Variants in SH3TC2 observed in about 807,000 individuals in gnomAD.
SH3TC2 encodes SH3 domain and tetratricopeptide repeat-containing protein 2.
Under a neutral mutation model 124.5 loss-of-function variants are expected in SH3TC2, and 87 were observed. The ratio of observed to expected loss-of-function variants is 0.70; its 90% confidence interval spans 0.59 to 0.84. The LOEUF (loss-of-function observed/expected upper bound fraction) is 0.84. Among genes scored for constraint, SH3TC2 ranks in the 40% least tolerant of loss-of-function variants. The probability of loss-of-function intolerance (pLI) is 0.00; values close to 1 mark genes in which losing one functional copy is unlikely to be tolerated. For missense variants in SH3TC2, 1,536 were observed against 1,566.4 expected, an observed-to-expected ratio of 0.98 and a Z score of 0.33; for synonymous variants, 634 against 628.5, an observed-to-expected ratio of 1.01 and a Z score of -0.13.
At chr5:149,057,061 A>G (rs897124754) in intron 1 of SH3TC2, among the ~76,000 whole-genome samples, 2 of 152,198 alleles carry the variant, frequency 1.3e-5, no homozygotes, top group African/African-American at 4.8e-5. Context: ...ATATTATTTA[A>G]CTGAAATATT....
In SH3TC2 at chr5:148,994,632, T is replaced by C. The variant is rs886060142; in HGVS notation, c.*10079A>G. ...GTTGGTTGGTTGGTTGGTTGGTTGG[T>C]TGGTTGGTTGGTTGGTTGGTTGGTT... On this transcript the variant is annotated 3_prime_UTR_variant, in exon 17 of 17. Coordinates refer to ENST00000515425, the MANE Select transcript of SH3TC2 (RefSeq NM_024577.4). 6.6e-6 allele frequency among the ~76,000 whole-genome samples: 1 copy of C among 151,348 alleles called. No individual in the cohort carries two copies. The highest frequency in any genetic ancestry group is 2.4e-5 in the African/African-American group (1 of 41,154).
rs903290430 is a variant in SH3TC2 at position 148,987,009 on chromosome 5, G to A, written c.*17702C>T. On this transcript the variant is annotated 3_prime_UTR_variant, in exon 17 of 17. Transcript: ENST00000515425. Reference sequence around the variant, plus strand: ...GTTTCTAAAATGATTTTTGGAAAATGAAATATTAATTCCCCAGCTAATGTA... The same window carrying A: ...GTTTCTAAAATGATTTTTGGAAAATAAAATATTAATTCCCCAGCTAATGTA... Among the ~76,000 whole-genome samples, 1 of 152,188 alleles carries A rather than the reference G, an allele frequency of 6.6e-6. No homozygotes were observed. Among genetic ancestry groups the A allele is most frequent in the Non-Finnish European group, 1.5e-5 (1 of 68,026 alleles).
intron 2 of SH3TC2, among the ~76,000 whole-genome samples, chr5:149,051,014 C>CA (rs1754547009): frequency 6.6e-6 from 1 of 152,018 alleles, no homozygotes; most frequent in South Asian, 2.1e-4. Flanking sequence ...GATGGGCAAG[C>CA]AAAAATGAGA....
chr5:149,010,498 C>T (rs1753766160), intron 13 of SH3TC2, 106 bp from the exon 14 acceptor site: 1 of 1,476,384 alleles, frequency 6.8e-7, no homozygotes, highest in South Asian at 1.2e-5. Context: ...TAATCCTCTG[C>T]TAAAGTCCCC....
At chr5:149,028,646 G>A in intron 10 of SH3TC2, 31 bp downstream of exon 10, 3 of 1,614,174 alleles carry the variant, frequency 1.9e-6, no homozygotes, top group Non-Finnish European at 2.5e-6. Context: ...CCTCAAGGAT[G>A]AATGTCAGGT....
At chr5:149,006,495 T>G (rs1753690983) in intron 16 of SH3TC2, among the ~76,000 whole-genome samples, 1 of 152,208 alleles carries the variant, frequency 6.6e-6, no homozygotes, top group South Asian at 2.1e-4. Context: ...TCTTAAGTAT[T>G]CATTTTGATC....
intron 11 of SH3TC2, 40 bp downstream of exon 11, chr5:149,026,820 C>A (rs749940310): frequency 1.9e-6 from 3 of 1,614,074 alleles, no homozygotes; most frequent in Non-Finnish European, 2.5e-6. Flanking sequence ...TGATCCAACA[C>A]TTTTCTCTAT....
chr5:148,985,430 T>C lies in SH3TC2; in HGVS notation c.*19281A>G, dbSNP rs985575714. The stretch of plus-strand genomic sequence containing the variant: ...ACAGATCTGTTTGCTGATCCTGTAG[T>C]TTTTAAAATGCCATATGGATTATAT... On this transcript the variant is annotated 3_prime_UTR_variant, in exon 17 of 17. Transcript: ENST00000515425. Among the ~76,000 whole-genome samples the C allele has an allele frequency of 1.3e-5, 2 of 152,210 alleles. No homozygotes were observed. The highest frequency in any genetic ancestry group is 1.5e-5 in the Non-Finnish European group (1 of 68,022).
Position 149,003,849 on chromosome 5 carries a change from CA to C in SH3TC2, c.*861del, listed in dbSNP as rs5872107. On this transcript the variant is annotated 3_prime_UTR_variant, in exon 17 of 17. Coordinates refer to ENST00000515425, the MANE Select transcript of SH3TC2 (RefSeq NM_024577.4). The stretch of plus-strand genomic sequence containing the variant: ...CTGGGCAACAGAGGAGAAACTGTCT[CA>C]AAAAAAAAAAAAAAAAAAAAAGACA... The C allele has an allele frequency of 0.14, 23,240 of 170,638 alleles. 552 individuals carry two copies. Among genetic ancestry groups the C allele is most frequent in the African/African-American group, 0.2 (4,228 of 20,822 alleles). 10.6% of individuals were successfully genotyped at this position (170,638 alleles called of 1,614,324 possible).
intron 12 of SH3TC2, among the ~76,000 whole-genome samples, chr5:149,016,780 C>T (rs1309515988): frequency 1.3e-5 from 2 of 151,476 alleles, no homozygotes; most frequent in African/African-American, 2.4e-5. Context: ...AAAAAATTAG[C>T]CGGGCGTGGT....
chr5:149,061,987 G>T (rs953883686), intron 1 of SH3TC2, among the ~76,000 whole-genome samples: 4 of 152,004 alleles, frequency 2.6e-5, no homozygotes, highest in South Asian at 2.1e-4. Context: ...GTTGTTTTGG[G>T]TTCACTTTAA....
chr5:149,059,200 G>A (rs1337695372), intron 1 of SH3TC2, among the ~76,000 whole-genome samples: 1 of 152,046 alleles, frequency 6.6e-6, no homozygotes, highest in Non-Finnish European at 1.5e-5. Flanking sequence ...CCAGAGAGGA[G>A]TCATGATTTT....
rs968469879 is a variant in SH3TC2 at position 149,038,219 on chromosome 5, C to A, written c.1001+76G>T. 10 of 1,488,604 alleles carry A rather than the reference C, an allele frequency of 6.7e-6. No homozygotes were observed. The African/African-American group carries it at 1.4e-4, about 21-fold the overall frequency. 92.2% of individuals were successfully genotyped at this position (1,488,604 alleles called of 1,614,324 possible). ...CCAGGGCACCCTCGAAGCTCAACTG[C>A]AAATCTGCTCAAAGAGGGGAGGGAA... On this transcript the variant is annotated intron_variant, in intron 8 of 16. Coordinates refer to ENST00000515425, the MANE Select transcript of SH3TC2 (RefSeq NM_024577.4).
At chr5:149,031,911 T>C (rs1754201198) in intron 8 of SH3TC2, among the ~76,000 whole-genome samples, 1 of 152,186 alleles carries the variant, frequency 6.6e-6, no homozygotes, top group Non-Finnish European at 1.5e-5. Flanking sequence ...GGTGTGGTTG[T>C]CCAGTAGGTC....
intron 12 of SH3TC2, among the ~76,000 whole-genome samples, chr5:149,016,269 A>T (rs1753871680): frequency 6.6e-6 from 1 of 152,200 alleles, no homozygotes; most frequent in East Asian, 1.9e-4. Context: ...CCAGGATCTA[A>T]CTTTCAGAGT....
rs550901114 is a variant in SH3TC2 at position 148,992,202 on chromosome 5, A to G, written c.*12509T>C. The stretch of plus-strand genomic sequence containing the variant: ...TTCCATATTACAGATGCAGAAATGG[A>G]GGCCCAGAATGGTTAAGTGCCTTGC... On this transcript the variant is annotated 3_prime_UTR_variant, in exon 17 of 17. Coordinates refer to ENST00000515425, the MANE Select transcript of SH3TC2 (RefSeq NM_024577.4). Among the ~76,000 whole-genome samples the G allele has an allele frequency of 5.8e-4, 88 of 152,346 alleles. No individual in the cohort carries two copies. The South Asian group carries it at 9.9e-3, about 17-fold the overall frequency.
rs1753345582 is a variant in SH3TC2, at chr5:148,987,144, A to G, written c.*17567T>C. On this transcript the variant is annotated 3_prime_UTR_variant, in exon 17 of 17. Coordinates refer to ENST00000515425, the MANE Select transcript of SH3TC2 (RefSeq NM_024577.4). ...ACTTTAGAAGAAATGTGTAAATCAA[A>G]TGCTTCTAAATTTAATTTGATTTAA... Among the ~76,000 whole-genome samples the G allele has an allele frequency of 6.6e-6, 1 of 152,214 alleles. No individual in the cohort carries two copies. Among genetic ancestry groups the G allele is most frequent in the Admixed American group, 6.5e-5 (1 of 15,280 alleles).
At position 149,028,374 on chromosome 5, in the gene SH3TC2, A is replaced by G; in HGVS notation, c.1358T>C (p.Leu453Pro). ...CTCCTGACCAGTGCTTAGGTCCATG[A>G]GCAGTTCCGGGTCATCAAGGTCATC... The part of the protein sequence containing the change: ...EPDDLDDPEL[L>P]MDLSTGQEEE... Residue 453 changes from leucine to proline, a missense_variant, in exon 11 of 17, where the codon CTC (leucine) becomes CCC (proline). Coordinates refer to ENST00000515425, the MANE Select transcript of SH3TC2 (RefSeq NM_024577.4). 6.2e-7 allele frequency: 1 copy of G among 1,614,150 alleles called. No homozygotes were observed. Among genetic ancestry groups the G allele is most frequent in the African/African-American group, 1.3e-5 (1 of 75,052 alleles).
Position 149,004,487 on chromosome 5 carries a change from G to A in SH3TC2, c.*224C>T. ...GGAAGGCAACAGTCAACCGGTAAAG[G>A]CTCCAGATGCAAAGCCTGGAACCAG... On this transcript the variant is annotated 3_prime_UTR_variant, in exon 17 of 17. Coordinates refer to ENST00000515425, the MANE Select transcript of SH3TC2 (RefSeq NM_024577.4). 3.5e-6 allele frequency: 2 copies of A among 571,396 alleles called. No homozygotes were observed. The highest frequency in any genetic ancestry group is 3.1e-6 in the Non-Finnish European group (1 of 322,992). The allele number at this position is 571,396 out of a possible 1,614,324, so 35.4% of individuals were successfully genotyped here. A position where few individuals can be genotyped will look rare whatever the true frequency, so the allele number is the denominator to read the frequency against.
Sources: gnomAD v4.1 joint callset for allele counts (sites outside exome capture counted in the v4.1 genomes callset) on GRCh38, gnomAD v4.1.1 for gene constraint, MANE v1.5 for transcripts, NCBI Gene and HGNC (gene_info 2026-07-23, HGNC 2026-07-21) for gene names.